The following SH2D4B variants were observed in gnomAD, a reference collection of about 807,000 sequenced individuals.
The protein encoded by SH2D4B is SH2 domain containing 4B, also known as SH2 domain-containing protein 4B.
SH2D4B carries 45 observed loss-of-function variants against 61.5 expected under a neutral mutation model. The observed-to-expected ratio is 0.73, with a 90% CI of 0.58 to 0.94. The LOEUF is 0.94. SH2D4B is among the 40% of genes least tolerant of loss of function. SH2D4B has a pLI of 0.00. For missense variants in SH2D4B, 572 were observed against 574.2 expected (o/e 1.00, Z 0.04); for synonymous variants, 224 against 220.4 (o/e 1.02, Z -0.14).
At chr10:80,555,579 A>G (rs1841823137) in intron 1 of SH2D4B, among the ~76,000 whole-genome samples, 1 of 152,168 alleles carries the variant, frequency 6.6e-6, no homozygotes, top group Non-Finnish European at 1.5e-5. Context: ...GCTCTGGTGC[A>G]TACCTGTGAG....
intron 6 of SH2D4B, among the ~76,000 whole-genome samples, chr10:80,620,031 G>T (rs1842700624): frequency 6.6e-6 from 1 of 152,194 alleles, no homozygotes; most frequent in South Asian, 2.1e-4. Context: ...ACAGCAGTCT[G>T]CTGAGAGACT....
intron 6 of SH2D4B, among the ~76,000 whole-genome samples, chr10:80,618,886 G>T (rs552291300): frequency 6.6e-6 from 1 of 152,280 alleles, no homozygotes; most frequent in South Asian, 2.1e-4. Context: ...AGGTGGAGGG[G>T]CTGGGAACAG....
chr10:80,569,062 T>C (rs1842006097), intron 1 of SH2D4B, among the ~76,000 whole-genome samples: 1 of 152,200 alleles, frequency 6.6e-6, no homozygotes, highest in Non-Finnish European at 1.5e-5. Context: ...CTGGGATACA[T>C]TTTTATTTTA....
At chr10:80,643,925 C>T in intron 7 of SH2D4B, 68 bp from the exon 8 acceptor site, 1 of 1,230,616 alleles carries the variant, frequency 8.1e-7, no homozygotes, top group African/African-American at 1.5e-5. Context: ...GAACCACTCT[C>T]TCTCTCTCAT....
intron 6 of SH2D4B, among the ~76,000 whole-genome samples, chr10:80,629,657 A>G (rs759208286): frequency 5.3e-5 from 8 of 152,254 alleles, no homozygotes; most frequent in Non-Finnish European, 7.3e-5. Context: ...ACACATGTGT[A>G]GAATACTTAG....
rs1268284564 is a variant in SH2D4B, at chr10:80,541,082, G to T, written c.184+2567G>T. Reference sequence around the variant, plus strand: ...GAGAGAAGTGCGGGCGTGCTCATGAGAACGTGTCACACCCAGCAGAGTCTG... The same window carrying T: ...GAGAGAAGTGCGGGCGTGCTCATGATAACGTGTCACACCCAGCAGAGTCTG... On this transcript the variant is annotated intron_variant, in intron 1 of 7. Coordinates refer to ENST00000646907, the MANE Select transcript of SH2D4B (RefSeq NM_001388272.1). The T allele has an allele frequency of 3.6e-5, 25 of 689,396 alleles. No individual in the cohort carries two copies. The East Asian group carries it at 5.7e-4, about 16-fold the overall frequency. 42.7% of individuals were successfully genotyped at this position (689,396 alleles called of 1,614,324 possible). A position where few individuals can be genotyped will look rare whatever the true frequency, so the allele number is the denominator to read the frequency against.
chr10:80,582,997 T>A (rs967457565), intron 3 of SH2D4B, among the ~76,000 whole-genome samples: 1 of 152,240 alleles, frequency 6.6e-6, no homozygotes, highest in Non-Finnish European at 1.5e-5. Flanking sequence ...CTCCTCTCAA[T>A]GAAGCCTGGA....
chr10:80,624,766 G>C (rs961828082), intron 6 of SH2D4B, among the ~76,000 whole-genome samples: 1 of 152,210 alleles, frequency 6.6e-6, no homozygotes, highest in Admixed American at 6.5e-5. Flanking sequence ...TAGTGACTCT[G>C]TTGTTCTAGG....
At chr10:80,635,985 T>C (rs1166928042) in intron 7 of SH2D4B, among the ~76,000 whole-genome samples, 2 of 152,148 alleles carry the variant, frequency 1.3e-5, no homozygotes, top group African/African-American at 2.4e-5. Context: ...TGTCTGATGT[T>C]CCCTGCCCTG....
chr10:80,580,534 A>G (rs527423276), intron 3 of SH2D4B, among the ~76,000 whole-genome samples: 176 of 152,254 alleles, frequency 1.2e-3, no homozygotes, highest in African/African-American at 4.1e-3. Context: ...GCTGGTTTCT[A>G]TTTAGTCCTT....
At position 80,570,164 on chromosome 10, in the gene SH2D4B, C is replaced by A; in HGVS notation, c.195C>A (p.Asp65Glu). 6.2e-7 allele frequency: 1 copy of A among 1,614,064 alleles called. No individual in the cohort carries two copies. Among genetic ancestry groups the A allele is most frequent in the Middle Eastern group, 1.6e-4 (1 of 6,062 alleles). The change falls in exon 2 of 8, where the codon GAC becomes GAA. Residue 65 changes from aspartate (D) to glutamate (E), a missense_variant. Asp to Glu is a conservative substitution (Grantham distance 45). Coordinates refer to ENST00000646907, the MANE Select transcript of SH2D4B (RefSeq NM_001388272.1). ...TCTTCTATTGTGAAGCAGCGAGTGACAAGCACATCCAATGGCTCCTAGGGG... is the reference window on the plus strand; with the variant it reads ...TCTTCTATTGTGAAGCAGCGAGTGAAAAGCACATCCAATGGCTCCTAGGGG... ...RPPKTKRAAS[D>E]KHIQWLLGAD... is the part of the protein sequence containing the mutation.
intron 7 of SH2D4B, among the ~76,000 whole-genome samples, chr10:80,643,588 ACT>A (rs1840343248): frequency 6.6e-6 from 1 of 151,624 alleles, no homozygotes; most frequent in African/African-American, 2.4e-5. Context: ...GACTGTCTGA[ACT>A]TTTTGGGTCT....
At chr10:80,592,225 T>C (rs2132132621) in intron 4 of SH2D4B, among the ~76,000 whole-genome samples, 1 of 152,330 alleles carries the variant, frequency 6.6e-6, no homozygotes, top group African/African-American at 2.4e-5. Context: ...ATTTACCCAT[T>C]TTTGAATTTT....
At chr10:80,632,510 C>G (rs1842843813) in intron 6 of SH2D4B, among the ~76,000 whole-genome samples, 2 of 152,164 alleles carry the variant, frequency 1.3e-5, no homozygotes, top group African/African-American at 4.8e-5. Context: ...CACTCCCCTC[C>G]TCTCCAACCC....
At chr10:80,575,666 T>A (rs1035564333) in intron 3 of SH2D4B, among the ~76,000 whole-genome samples, 2 of 152,108 alleles carry the variant, frequency 1.3e-5, no homozygotes, top group African/African-American at 4.8e-5. Context: ...TCCCAGCTAC[T>A]CAGGAGGCTG....
chr10:80,547,247 AG>A (rs1841691422), intron 1 of SH2D4B, among the ~76,000 whole-genome samples: 1 of 152,212 alleles, frequency 6.6e-6, no homozygotes, highest in African/African-American at 2.4e-5. Context: ...ATTACACTGA[AG>A]TCACTAAACA....
chr10:80,570,416 C>G (rs1380282285), intron 2 of SH2D4B, 100 bp downstream of exon 2: 55 of 1,404,790 alleles, frequency 3.9e-5, no homozygotes, highest in Non-Finnish European at 5.1e-5. Context: ...GATGGAGTTC[C>G]ATCATGTTGG....
intron 6 of SH2D4B, among the ~76,000 whole-genome samples, chr10:80,612,412 G>T (rs1842613730): frequency 1.3e-5 from 2 of 152,130 alleles, no homozygotes; most frequent in South Asian, 4.1e-4. Context: ...GGGCGTCTCA[G>T]CTGGGGCATC....
At chr10:80,569,106 A>G (rs1842006650) in intron 1 of SH2D4B, among the ~76,000 whole-genome samples, 1 of 152,232 alleles carries the variant, frequency 6.6e-6, no homozygotes. Flanking sequence ...TGCAATAGGC[A>G]AACTGAGAAA....
Sources: allele counts gnomAD v4.1 joint callset (sites outside exome capture counted in the v4.1 genomes callset), GRCh38; gene constraint gnomAD v4.1.1; transcripts MANE v1.5; gene names NCBI Gene and HGNC (gene_info 2026-07-23, HGNC 2026-07-21).